The following PCDHA5 variants were observed in gnomAD, a reference collection of about 807,000 sequenced individuals.
PCDHA5 encodes the protein protocadherin alpha 5.
Under a neutral mutation model 61.6 loss-of-function variants are expected in PCDHA5, and 43 were observed. The observed-to-expected ratio is 0.70, with a 90% CI of 0.55 to 0.90. The LOEUF (loss-of-function observed/expected upper bound fraction) is 0.90, where lower values mean the gene tolerates loss of function less well. PCDHA5 is among the 40% of genes least tolerant of loss of function. The pLI is 0.00. For synonymous variants in PCDHA5, 627 were observed against 543.9 expected (o/e 1.15, Z -2.13); for missense variants, 1,298 against 1,222.7 (o/e 1.06, Z -0.92).
In PCDHA5 at chr5:140,821,810, G is replaced by C; in HGVS notation, c.35G>C (p.Arg12Pro). The C allele has an allele frequency of 1.2e-6, 2 of 1,613,712 alleles. No individual in the cohort carries two copies. The highest frequency in any genetic ancestry group is 1.7e-6 in the Non-Finnish European group (2 of 1,179,802). The change falls in exon 1 of 4, where the codon CGG becomes CCG. Residue 12 changes from arginine (R) to proline (P), a missense_variant. Physicochemically the swap from Arg to Pro is moderately radical, Grantham distance 103. Transcript: ENST00000529859. ...VYSRRGSLGS[R>P]LLLLWLLLAY... ...TCCCGGAGAGGAAGTCTGGGATCCC[G>C]GCTCCTGCTGCTCTGGCTTCTCCTT... is the stretch of plus-strand genomic sequence containing the variant.
intron 1 of PCDHA5, among the ~76,000 whole-genome samples, chr5:140,974,152 G>A (rs183558718): frequency 4.2e-4 from 64 of 152,284 alleles, no homozygotes; most frequent in Admixed American, 2.4e-3. Flanking sequence ...CTATACAAGG[G>A]TTTTTCTTTC....
At chr5:140,905,407 A>G (rs2071810139) in intron 1 of PCDHA5, among the ~76,000 whole-genome samples, 1 of 152,158 alleles carries the variant, frequency 6.6e-6, no homozygotes, top group Non-Finnish European at 1.5e-5. Context: ...CTATTTTTAT[A>G]CCAGTACCAT....
Position 140,858,184 on chromosome 5 carries a change from G to T in PCDHA5, c.2352+34057G>T, listed in dbSNP as rs782618700. The T allele has an allele frequency of 3.1e-6, 5 of 1,597,468 alleles. 1 individual carries two copies. In the South Asian group the frequency reaches 4.4e-5, roughly 14 times the overall value. Reference sequence around the variant, plus strand: ...CGGTGTCCAGCTTGCTGGTGCTCACGCTGCTGCTGTACACTGCACTGAGGT... The same window carrying T: ...CGGTGTCCAGCTTGCTGGTGCTCACTCTGCTGCTGTACACTGCACTGAGGT... On this transcript the variant is annotated intron_variant, in intron 1 of 3. Transcript: ENST00000529859.
At position 140,843,462 on chromosome 5, in the gene PCDHA5, C is replaced by A. The variant is rs557665140; in HGVS notation, c.2352+19335C>A. The A allele has an allele frequency of 3.1e-6, 5 of 1,595,930 alleles. 1 individual carries two copies. In the African/African-American group the frequency reaches 5.4e-5, roughly 17 times the overall value. On this transcript the variant is annotated intron_variant, in intron 1 of 3. Coordinates refer to ENST00000529859, the MANE Select transcript of PCDHA5 (RefSeq NM_018908.3). ...GCGGTATCCAGCCTGCTGGTGCTCACGCTGCTGCTGTACACTGCGCTGCGG... is the reference window on the plus strand; with the variant it reads ...GCGGTATCCAGCCTGCTGGTGCTCAAGCTGCTGCTGTACACTGCGCTGCGG...
chr5:140,856,719 C>A, intron 1 of PCDHA5: 1 of 1,596,152 alleles, frequency 6.3e-7, no homozygotes, highest in Non-Finnish European at 8.6e-7. Flanking sequence ...TTTACCGGAT[C>A]TGTTTCTCTG....
rs1231451796 is a variant in PCDHA5, at chr5:140,869,049, G to T, written c.2352+44922G>T. On this transcript the variant is annotated intron_variant, in intron 1 of 3. Coordinates refer to ENST00000529859, the MANE Select transcript of PCDHA5 (RefSeq NM_018908.3). ...ACGAGATTTTTAACCTGAAACTGAA[G>T]AATCTGGTACTGTAAGTGTAAAGAA... 1.1e-5 allele frequency: 17 copies of T among 1,532,472 alleles called. No homozygotes were observed. The South Asian group carries it at 2.1e-4, about 19-fold the overall frequency. 94.9% of individuals were successfully genotyped at this position (1,532,472 alleles called of 1,614,324 possible).
At chr5:140,828,445 T>C in intron 1 of PCDHA5, 1 of 1,614,218 alleles carries the variant, frequency 6.2e-7, no homozygotes. Flanking sequence ...AGGTTTTCCA[T>C]GTGGACGTGG....
At position 140,822,828 on chromosome 5, in the gene PCDHA5, A is replaced by G; in HGVS notation, c.1053A>G (p.Ile351Met). ...ATGATAATACCCCAGAGATGGCCATAACCACCCTTTTCCTGCCTGTCAAAG... is the reference window on the plus strand; with the variant it reads ...ATGATAATACCCCAGAGATGGCCATGACCACCCTTTTCCTGCCTGTCAAAG... Reference protein sequence around the residue: ...DVNDNTPEMAITTLFLPVKED... With the variant: ...DVNDNTPEMAMTTLFLPVKED... The change falls in exon 1 of 4, where the codon ATA (isoleucine) becomes ATG (methionine). Residue 351 changes from isoleucine to methionine, a missense_variant. Ile to Met is a conservative substitution (Grantham distance 10). Transcript: ENST00000529859. 2 of 1,614,224 alleles carry G rather than the reference A, an allele frequency of 1.2e-6. No homozygotes were observed. The highest frequency in any genetic ancestry group is 1.7e-6 in the Non-Finnish European group (2 of 1,180,038).
Position 140,829,867 on chromosome 5 carries a change from G to A in PCDHA5, c.2352+5740G>A, listed in dbSNP as rs1199530922. ...CACTGGGTGCAGGCCAAGTGGTGGCGAAGGTGCGCGCAGTTGACGCCGACT... is the reference window on the plus strand; with the variant it reads ...CACTGGGTGCAGGCCAAGTGGTGGCAAAGGTGCGCGCAGTTGACGCCGACT... On this transcript the variant is annotated intron_variant, in intron 1 of 3. Transcript: ENST00000529859. The A allele has an allele frequency of 5.0e-6, 8 of 1,613,830 alleles. No homozygotes were observed. In the African/African-American group the frequency reaches 9.3e-5, roughly 19 times the overall value.
intron 1 of PCDHA5, among the ~76,000 whole-genome samples, chr5:140,886,521 C>A (rs1056353739): frequency 5.9e-5 from 9 of 152,038 alleles, no homozygotes; most frequent in African/African-American, 1.9e-4. Flanking sequence ...TTAAGGTCTG[C>A]ATATTCAGTT....
chr5:140,888,210 T>G (rs1395913579), intron 1 of PCDHA5, among the ~76,000 whole-genome samples: 1 of 152,080 alleles, frequency 6.6e-6, no homozygotes, highest in East Asian at 1.9e-4. Context: ...ATGCTGGATT[T>G]TGTGTGTGTG....
intron 1 of PCDHA5, among the ~76,000 whole-genome samples, chr5:140,897,443 G>GT (rs1562897655): frequency 6.7e-6 from 1 of 149,986 alleles, no homozygotes; most frequent in Non-Finnish European, 1.5e-5. Flanking sequence ...GCAGTGTTTG[G>GT]TTTTTTGTCC....
intron 1 of PCDHA5, chr5:140,967,191 A>G (rs781981464): frequency 6.2e-7 from 1 of 1,613,532 alleles, no homozygotes; most frequent in Non-Finnish European, 8.5e-7. Flanking sequence ...TTGGACATCA[A>G]CGACAACTCA....
chr5:140,830,110 C>A, intron 1 of PCDHA5: 2 of 1,613,556 alleles, frequency 1.2e-6, no homozygotes, highest in Non-Finnish European at 1.7e-6. Flanking sequence ...TGGAGAGTGG[C>A]CAGGCTCCAA....
chr5:140,885,924 TTATC>T lies in PCDHA5; in HGVS notation c.2352+61801_2352+61804del, dbSNP rs554293197. Among the ~76,000 whole-genome samples the T allele has an allele frequency of 1.1e-3, 168 of 152,304 alleles. 1 individual carries two copies. The highest frequency in any genetic ancestry group is 9.9e-3 in the South Asian group (48 of 4,826). ...TCTGTACCTTATAGATATTAACTGT[TTATC>T]TATTTTTTGACATTTTTAATTAAAA... On this transcript the variant is annotated intron_variant, in intron 1 of 3. Coordinates refer to ENST00000529859, the MANE Select transcript of PCDHA5 (RefSeq NM_018908.3).
At chr5:140,842,635 C>G (rs1330338408) in intron 1 of PCDHA5, 3 of 1,590,774 alleles carry the variant, frequency 1.9e-6, no homozygotes, top group South Asian at 1.1e-5. Flanking sequence ...TGTGGGCCAC[C>G]GCCAGCTTGT....
Position 140,994,911 on chromosome 5 carries a change from A to G in PCDHA5, c.2500+12348A>G, listed in dbSNP as rs527704488. Among the ~76,000 whole-genome samples, 14 of 152,340 alleles carry G rather than the reference A, an allele frequency of 9.2e-5. No homozygotes were observed. The East Asian group carries it at 1.7e-3, about 19-fold the overall frequency. On this transcript the variant is annotated intron_variant, in intron 3 of 3. Transcript: ENST00000529859. ...AAATGAGATCAGAAATGTAGACTGGAATCAGATTTTGTAGGACCTTAAACA... is the reference window on the plus strand; with the variant it reads ...AAATGAGATCAGAAATGTAGACTGGGATCAGATTTTGTAGGACCTTAAACA...
chr5:140,897,947 T>A (rs1276045551), intron 1 of PCDHA5, among the ~76,000 whole-genome samples: 1 of 152,168 alleles, frequency 6.6e-6, no homozygotes, highest in Non-Finnish European at 1.5e-5. Context: ...CAGTGATGAT[T>A]AGCATTTTTT....
At chr5:140,942,580 G>A (rs782743450) in intron 1 of PCDHA5, among the ~76,000 whole-genome samples, 4 of 151,104 alleles carry the variant, frequency 2.6e-5, no homozygotes, top group Non-Finnish European at 5.9e-5. Flanking sequence ...TCCCATATAG[G>A]ATGTCACATA....
Sources: allele counts gnomAD v4.1 joint callset (sites outside exome capture counted in the v4.1 genomes callset), GRCh38; gene constraint gnomAD v4.1.1; transcripts MANE v1.5; gene names NCBI Gene and HGNC (gene_info 2026-07-23, HGNC 2026-07-21).